The following ARFIP1 variants were observed in gnomAD, a reference collection of about 807,000 sequenced individuals.
The protein encoded by ARFIP1 is ARF interacting protein 1.
A neutral mutation model predicts 42.5 loss-of-function variants in ARFIP1; 24 were observed. The ratio of observed to expected loss-of-function variants is 0.57; its 90% CI spans 0.41 to 0.80. The LOEUF (loss-of-function observed/expected upper bound fraction) is 0.80. ARFIP1 is among the 30% of genes least tolerant of loss of function. The probability of loss-of-function intolerance (pLI) is 0.00; values close to 1 mark genes in which losing one functional copy is unlikely to be tolerated. For synonymous variants in ARFIP1, 141 were observed against 153.7 expected (o/e 0.92, Z 0.61); for missense variants, 354 against 434.0 (o/e 0.82, Z 1.64).
At chr4:152,824,591 C>G (rs1377994461) in intron 1 of ARFIP1, among the ~76,000 whole-genome samples, 2 of 152,150 alleles carry the variant, frequency 1.3e-5, no homozygotes, top group African/African-American at 4.8e-5. Flanking sequence ...TCATGCTGAA[C>G]AAGGAGAAGC....
chr4:152,808,283 A>ATTTTTTGTTTTTTTTTTTT (rs1729151687), intron 1 of ARFIP1, among the ~76,000 whole-genome samples: 1 of 20,314 alleles, frequency 4.9e-5, no homozygotes, highest in Non-Finnish European at 1.0e-4. Context: ...CCTGGCCTCC[A>ATTTTTTGTTTTTTTTTTTT]TTTTTTTTTT....
chr4:152,803,968 A>G (rs1578829987), intron 1 of ARFIP1, among the ~76,000 whole-genome samples: 4 of 117,508 alleles, frequency 3.4e-5, no homozygotes, highest in South Asian at 5.2e-4. Context: ...TATATATATA[A>G]CATGTATTAT....
intron 2 of ARFIP1, among the ~76,000 whole-genome samples, chr4:152,836,953 C>T (rs1731699274): frequency 1.3e-5 from 2 of 151,804 alleles, no homozygotes; most frequent in Non-Finnish European, 2.9e-5. Context: ...CCCCAAACCA[C>T]TAAAGTCCAT....
At chr4:152,846,426 A>G (rs1219150197) in intron 2 of ARFIP1, among the ~76,000 whole-genome samples, 2 of 152,190 alleles carry the variant, frequency 1.3e-5, no homozygotes, top group African/African-American at 2.4e-5. Context: ...CATATTTAAT[A>G]GTTTTGAATT....
intron 8 of ARFIP1, among the ~76,000 whole-genome samples, chr4:152,901,997 GT>G (rs1737877622): frequency 6.6e-6 from 1 of 152,060 alleles, no homozygotes; most frequent in Admixed American, 6.5e-5. Context: ...TTTCTTGTCT[GT>G]TTCAAATTTT....
At chr4:152,889,127 C>T (rs1736512450) in intron 8 of ARFIP1, among the ~76,000 whole-genome samples, 1 of 152,198 alleles carries the variant, frequency 6.6e-6, no homozygotes, top group East Asian at 1.9e-4. Flanking sequence ...CAGGTACCCT[C>T]TTAAAATTGT....
At chr4:152,849,427 T>G (rs954763707) in intron 2 of ARFIP1, among the ~76,000 whole-genome samples, 46 of 152,266 alleles carry the variant, frequency 3.0e-4, no homozygotes, top group African/African-American at 1.1e-3. Context: ...TTTGAAGGAA[T>G]TATTTTGAAT....
At chr4:152,852,679 T>A (rs974795964) in intron 2 of ARFIP1, among the ~76,000 whole-genome samples, 2 of 151,998 alleles carry the variant, frequency 1.3e-5, no homozygotes, top group African/African-American at 4.8e-5. Flanking sequence ...ACATTTAAAA[T>A]TTTGGTGAAC....
At chr4:152,908,146 C>T (rs1364159685) in intron 8 of ARFIP1, among the ~76,000 whole-genome samples, 2 of 152,178 alleles carry the variant, frequency 1.3e-5, no homozygotes, top group Non-Finnish European at 2.9e-5. Context: ...GTTTCCTCCT[C>T]TGTGAAATGT....
Position 152,870,161 on chromosome 4 carries a change from A to C in ARFIP1, c.203-592A>C, listed in dbSNP as rs577779702. 3.3e-5 allele frequency among the ~76,000 whole-genome samples: 5 copies of C among 152,328 alleles called. No individual in the cohort carries two copies. In the South Asian group the frequency reaches 1.0e-3, roughly 32 times the overall value. On this transcript the variant is annotated intron_variant, in intron 3 of 8. Transcript: ENST00000353617. Reference sequence around the variant, plus strand: ...GGGTCTGAGATTTTGCATTTCTAACAAGCGTCCAGGTGAATTGAAGAAGGT... The same window carrying C: ...GGGTCTGAGATTTTGCATTTCTAACCAGCGTCCAGGTGAATTGAAGAAGGT...
At chr4:152,789,049 C>A (rs551659274) in intron 1 of ARFIP1, among the ~76,000 whole-genome samples, 1 of 147,474 alleles carries the variant, frequency 6.8e-6, no homozygotes, top group South Asian at 2.2e-4. Flanking sequence ...AGTAAAGTGC[C>A]ATTCCCATCA....
intron 1 of ARFIP1, among the ~76,000 whole-genome samples, chr4:152,793,369 C>G (rs1424744906): frequency 1.3e-5 from 2 of 148,818 alleles, no homozygotes; most frequent in African/African-American, 2.5e-5. Flanking sequence ...TAGTACCTAT[C>G]TCTGTAATTC....
intron 6 of ARFIP1, among the ~76,000 whole-genome samples, chr4:152,881,826 T>A (rs1735871875): frequency 6.6e-6 from 1 of 152,192 alleles, no homozygotes; most frequent in Admixed American, 6.5e-5. Context: ...TTGAATACTT[T>A]GTCACCTAAG....
chr4:152,842,075 G>C (rs377679713), intron 2 of ARFIP1, among the ~76,000 whole-genome samples: 1 of 152,132 alleles, frequency 6.6e-6, no homozygotes, highest in African/African-American at 2.4e-5. Flanking sequence ...GAAGGTGACC[G>C]CGTCTACCTT....
At chr4:152,855,500 G>A (rs949560690) in intron 2 of ARFIP1, among the ~76,000 whole-genome samples, 6 of 152,196 alleles carry the variant, frequency 3.9e-5, no homozygotes, top group African/African-American at 9.6e-5. Flanking sequence ...CTTAGATCTC[G>A]GCCCCTGCAG....
At chr4:152,795,019 A>G (rs1731350608) in intron 1 of ARFIP1, among the ~76,000 whole-genome samples, 1 of 152,162 alleles carries the variant, frequency 6.6e-6, no homozygotes, top group South Asian at 2.1e-4. Flanking sequence ...ATTACAAAAT[A>G]TATCGTGTAT....
At chr4:152,897,456 C>T (rs1469680553) in intron 8 of ARFIP1, among the ~76,000 whole-genome samples, 1 of 151,770 alleles carries the variant, frequency 6.6e-6, no homozygotes, top group East Asian at 1.9e-4. Flanking sequence ...AGACTTGGTT[C>T]TTTTTTGGCA....
rs1378009623 is a variant in ARFIP1 at position 152,789,863 on chromosome 4, C to G, written c.-10+9637C>G. Among the ~76,000 whole-genome samples the G allele has an allele frequency of 2.6e-5, 4 of 152,112 alleles. No homozygotes were observed. In the East Asian group the frequency reaches 7.7e-4, roughly 29 times the overall value. ...TTTGTTTGTTTTTGAGCACTTTTAA[C>G]TTTCTGGTATTACAAAATGCTCTAG... On this transcript the variant is annotated intron_variant, in intron 1 of 8. Transcript: ENST00000353617.
At chr4:152,796,081 AT>A in intron 1 of ARFIP1, 1 of 739,008 alleles carries the variant, frequency 1.4e-6, no homozygotes, top group Non-Finnish European at 2.5e-6. Context: ...GTAAGACTGC[AT>A]TTATGCATCC....
Sources: allele counts gnomAD v4.1 joint callset (sites outside exome capture counted in the v4.1 genomes callset), GRCh38; gene constraint gnomAD v4.1.1; transcripts MANE v1.5; gene names NCBI Gene and HGNC (gene_info 2026-07-23, HGNC 2026-07-21).